THPO: variants seen among roughly 807,000 people sequenced by gnomAD.
The protein encoded by THPO is MPL ligand.
Under a neutral mutation model 17.0 loss-of-function variants are expected in THPO, and 12 were observed. The observed-to-expected ratio is 0.71, with a 90% CI of 0.45 to 1.14. THPO has a LOEUF of 1.14. THPO is among the 50% of genes most tolerant of loss of function. The probability of loss-of-function intolerance (pLI) is 0.00; values close to 1 mark genes in which losing one functional copy is unlikely to be tolerated. For missense variants in THPO, 365 were observed against 427.5 expected, an observed-to-expected ratio of 0.85 and a Z score of 1.29; for synonymous variants, 188 against 183.0, an observed-to-expected ratio of 1.03 and a Z score of -0.22.
chr3:184,377,195 G>A (rs928732984), intron 1 of THPO, among the ~76,000 whole-genome samples: 6 of 152,002 alleles, frequency 3.9e-5, no homozygotes, highest in African/African-American at 7.3e-5. Flanking sequence ...GCTGGGGAGG[G>A]GAACTGCACA....
chr3:184,373,302 G>T, intron 5 of THPO, 113 bp downstream of exon 5: 1 of 1,550,848 alleles, frequency 6.4e-7, no homozygotes, highest in Non-Finnish European at 8.9e-7. Context: ...ACTCTTAGTA[G>T]ATCAGCTCTT....
In THPO at chr3:184,372,684, G is replaced by C; in HGVS notation, c.891C>G (p.Thr297=). Residue 297 remains threonine, a synonymous_variant, in exon 6 of 6, where the codon ACC becomes ACG. Transcript: ENST00000647395. The part of the protein sequence containing the change: ...NLQPGYSPSP[T]HPPTGQYTLF... ...GCGTATACTGTCCAGTAGGAGGATG[G>C]GTTGGGGAAGGAGAATATCCAGGCT... 6.2e-7 allele frequency: 1 copy of C among 1,613,150 alleles called. No homozygotes were observed. Among genetic ancestry groups the C allele is most frequent in the Middle Eastern group, 1.7e-4 (1 of 6,058 alleles).
intron 4 of THPO, among the ~76,000 whole-genome samples, chr3:184,374,963 T>A (rs1714261301): frequency 6.6e-6 from 1 of 152,144 alleles, no homozygotes; most frequent in Admixed American, 6.5e-5. Flanking sequence ...TAATTCTGTA[T>A]TCTTAGTAGA....
chr3:184,372,498 C>T lies in THPO; in HGVS notation c.*15G>A, dbSNP rs574806874. 1 of 1,613,984 alleles carries T rather than the reference C, an allele frequency of 6.2e-7. No individual in the cohort carries two copies. Among genetic ancestry groups the T allele is most frequent in the Admixed American group, 1.7e-5 (1 of 60,024 alleles). On this transcript the variant is annotated 3_prime_UTR_variant, in exon 6 of 6. Transcript: ENST00000647395. ...GTACACGAGACAATGCTGATGTCGG[C>T]AGTGTCTGAGAACCTTACCCTTCCT...
At chr3:184,376,120 C>T (rs1413291822) in intron 2 of THPO, 105 bp from the exon 3 acceptor site, 2 of 1,611,280 alleles carry the variant, frequency 1.2e-6, no homozygotes, top group Non-Finnish European at 1.7e-6. Context: ...AGGGAATCCA[C>T]CCCTCAGACC....
chr3:184,376,715 C>T (rs1196242041), intron 1 of THPO, among the ~76,000 whole-genome samples: 1 of 152,052 alleles, frequency 6.6e-6, no homozygotes, highest in African/African-American at 2.4e-5. Flanking sequence ...TGTGGTGGTT[C>T]ATGCCTGTAA....
upstream of THPO, chr3:184,378,300 ACTC>A (rs1714607831): frequency 1.0e-6 from 1 of 985,082 alleles, no homozygotes; most frequent in Non-Finnish European, 1.2e-6. Context: ...ACCAGGGTCC[ACTC>A]CTCCACCCAC....
At chr3:184,373,364 G>A in intron 5 of THPO, 51 bp downstream of exon 5, 1 of 1,607,764 alleles carries the variant, frequency 6.2e-7, no homozygotes, top group Non-Finnish European at 8.5e-7. Flanking sequence ...CTTCTAGGGG[G>A]ACTGAGTCAG....
chr3:184,373,641 G>A, intron 4 of THPO, 59 bp from the exon 5 acceptor site: 1 of 1,590,686 alleles, frequency 6.3e-7, no homozygotes, highest in Non-Finnish European at 8.6e-7. Context: ...AAAAGCGGGT[G>A]GGGAGCCTTA....
rs774260252 is a variant in THPO, at chr3:184,372,843, G to A, written c.732C>T (p.Pro244=). The A allele has an allele frequency of 1.1e-5, 18 of 1,613,992 alleles. No individual in the cohort carries two copies. Among genetic ancestry groups the A allele is most frequent in the South Asian group, 7.7e-5 (7 of 91,080 alleles). ...GTTCGTGTATCCTGTTCAGGTATCC[G>A]GGGATTTGGTCCAGGGACCTGGAGG... The part of the protein sequence containing the change: ...NQTSRSLDQI[P]GYLNRIHELL... The change falls in exon 6 of 6, where the codon CCC becomes CCT. Residue 244 remains proline, a synonymous_variant. Coordinates refer to ENST00000647395, the MANE Select transcript of THPO (RefSeq NM_000460.4).
Position 184,372,831 on chromosome 3 carries a change from G to A in THPO, c.744C>T (p.Asn248=). The A allele has an allele frequency of 6.2e-7, 1 of 1,614,172 alleles. No homozygotes were observed. The highest frequency in any genetic ancestry group is 1.6e-4 in the Middle Eastern group (1 of 6,062). The change falls in exon 6 of 6, where the codon AAC becomes AAT. Residue 248 remains asparagine, a synonymous_variant. Coordinates refer to ENST00000647395, the MANE Select transcript of THPO (RefSeq NM_000460.4). ...TTCCATTCAAGAGTTCGTGTATCCT[G>A]TTCAGGTATCCGGGGATTTGGTCCA... ...RSLDQIPGYL[N]RIHELLNGTR...
rs1714589321 is a variant in THPO at position 184,378,190 on chromosome 3, C to G, written c.-261G>C. On this transcript the variant is annotated 5_prime_UTR_variant, in exon 1 of 6. Transcript: ENST00000647395. Reference sequence around the variant, plus strand: ...CCCCTCCACAGCAGCAGGTCATACGCCTGCCTGGGCCACTTCTGCCCAATC... The same window carrying G: ...CCCCTCCACAGCAGCAGGTCATACGGCTGCCTGGGCCACTTCTGCCCAATC... 2.0e-6 allele frequency: 2 copies of G among 985,480 alleles called. No individual in the cohort carries two copies. Among genetic ancestry groups the G allele is most frequent in the East Asian group, 2.3e-4 (2 of 8,804 alleles). The allele number at this position is 985,480 out of a possible 1,614,324, so 61.0% of individuals were successfully genotyped here. A position where few individuals can be genotyped will look rare whatever the true frequency, so the allele number is the denominator to read the frequency against.
chr3:184,376,949 A>C (rs1417470646), intron 1 of THPO, among the ~76,000 whole-genome samples: 1 of 152,180 alleles, frequency 6.6e-6, no homozygotes, highest in Admixed American at 6.5e-5. Context: ...ATTTGGTGCC[A>C]CCTACCCCTG....
At chr3:184,378,969 C>T (rs1714722276), upstream of THPO, 1 of 598,372 alleles carries the variant, frequency 1.7e-6, no homozygotes, top group African/African-American at 2.0e-5. Context: ...CCCCCCTTTT[C>T]CTTTGGCCCT....
At chr3:184,377,930 T>G (rs1714556685) in intron 1 of THPO, 145 bp downstream of exon 1, 4 of 574,614 alleles carry the variant, frequency 7.0e-6, no homozygotes, top group Non-Finnish European at 6.6e-6. Flanking sequence ...GCCCTGCTCC[T>G]CCCATTCTGG....
At position 184,373,000 on chromosome 3, in the gene THPO, A is replaced by G; in HGVS notation, c.575T>C (p.Leu192Pro). 6.2e-7 allele frequency: 1 copy of G among 1,614,156 alleles called. No homozygotes were observed. The highest frequency in any genetic ancestry group is 1.1e-5 in the South Asian group (1 of 91,080). ...VPSRTSLVLT[L>P]NELPNRTSGL... is the part of the protein sequence containing the mutation. ...AGAAGTCCTGTTTGGGAGCTCGTTC[A>G]GTGTGAGGACTAGAGAGGTTCTGCT... Residue 192 changes from leucine to proline, a missense_variant, in exon 6 of 6, where the codon CTG (leucine) becomes CCG (proline). Transcript: ENST00000647395.
Position 184,375,501 on chromosome 3 carries a change from G to A in THPO, c.228+14C>T, listed in dbSNP as rs759490373. ...AGGACTTAGGGAAGCCAAGGTTAGG[G>A]ATGGCTTTCTTACCATCTGGGTTTT... is the stretch of plus-strand genomic sequence containing the variant. On this transcript the variant is annotated intron_variant, in intron 4 of 5. Coordinates refer to ENST00000647395, the MANE Select transcript of THPO (RefSeq NM_000460.4). The A allele has an allele frequency of 3.1e-6, 5 of 1,613,130 alleles. 1 individual carries two copies. The Admixed American group carries it at 8.3e-5, about 27-fold the overall frequency.
chr3:184,378,898 A>G (rs2108629226), upstream of THPO: 1 of 983,718 alleles, frequency 1.0e-6, no homozygotes, highest in East Asian at 1.1e-4. Flanking sequence ...AACCAGGCCC[A>G]TGTGTCCCTG....
upstream of THPO, among the ~76,000 whole-genome samples, chr3:184,378,601 A>AT (rs967472192): frequency 3.9e-5 from 6 of 152,222 alleles, no homozygotes; most frequent in Admixed American, 2.0e-4. Context: ...CTATCTTGTC[A>AT]TTCCCCCTTT....
Sources: gnomAD v4.1 joint callset for allele counts (sites outside exome capture counted in the v4.1 genomes callset) on GRCh38, gnomAD v4.1.1 for gene constraint, MANE v1.5 for transcripts, NCBI Gene and HGNC (gene_info 2026-07-23, HGNC 2026-07-21) for gene names.